GPM6A: variants seen among roughly 807,000 people sequenced by gnomAD.
GPM6A encodes the protein glycoprotein M6A.
In GPM6A, 7 loss-of-function variants were observed where a neutral mutation model predicts 32.1. That is an observed-to-expected ratio of 0.22 (90% confidence interval 0.12 to 0.41). GPM6A has a LOEUF of 0.41. Ranked by LOEUF, GPM6A falls within the 10% of genes least tolerant of loss-of-function variation. The probability of loss-of-function intolerance (pLI) is 1.00; values close to 1 mark genes in which losing one functional copy is unlikely to be tolerated. For missense variants in GPM6A, 235 were observed against 347.2 expected (o/e 0.68, Z 2.57); for synonymous variants, 130 against 123.4 (o/e 1.05, Z -0.35).
At chr4:175,993,053 A>G (rs1741198547) in intron 1 of GPM6A, among the ~76,000 whole-genome samples, 2 of 152,054 alleles carry the variant, frequency 1.3e-5, no homozygotes, top group African/African-American at 4.8e-5. Context: ...TGAAATCATG[A>G]AACAGTTCTT....
intron 1 of GPM6A, among the ~76,000 whole-genome samples, chr4:175,792,174 A>C (rs781486737): frequency 6.6e-5 from 10 of 152,202 alleles, no homozygotes; most frequent in African/African-American, 9.6e-5. Context: ...GTGCTAAAAA[A>C]TTTTAAGCTC....
intron 1 of GPM6A, among the ~76,000 whole-genome samples, chr4:175,749,213 G>T (rs988546661): frequency 1.3e-5 from 1 of 74,590 alleles, no homozygotes; most frequent in Non-Finnish European, 3.3e-5. Context: ...CAAAAAAAAG[G>T]TAATGGCAAA....
At chr4:175,971,956 T>C (rs1740515722) in intron 1 of GPM6A, 1 of 152,192 alleles carries the variant, frequency 6.6e-6, no homozygotes, top group African/African-American at 2.4e-5. Flanking sequence ...CACGCTGTCT[T>C]ACTGCTGGGG....
At chr4:175,996,841 ACCC>A (rs1244763583) in intron 1 of GPM6A, among the ~76,000 whole-genome samples, 79 of 152,144 alleles carry the variant, frequency 5.2e-4, no homozygotes, top group Non-Finnish European at 9.3e-4. Context: ...TTAGTCGGCT[ACCC>A]TCAATTTCTC....
At chr4:175,728,209 A>G (rs981372515) in intron 1 of GPM6A, among the ~76,000 whole-genome samples, 2 of 152,138 alleles carry the variant, frequency 1.3e-5, no homozygotes, top group Non-Finnish European at 2.9e-5. Flanking sequence ...TATTTTGAAC[A>G]CATGCAAATG....
chr4:175,781,520 A>G (rs10032719), intron 1 of GPM6A, among the ~76,000 whole-genome samples: 8,055 of 152,214 alleles, frequency 0.053, 704 homozygotes, highest in African/African-American at 0.18. Context: ...GTGATCTTCC[A>G]TACAGTTCTC....
intron 3 of GPM6A, among the ~76,000 whole-genome samples, chr4:175,656,700 C>T (rs1237453582): frequency 6.6e-6 from 1 of 152,084 alleles, no homozygotes; most frequent in Non-Finnish European, 1.5e-5. Flanking sequence ...CATCTGAACT[C>T]CTATGAACTT....
chr4:175,790,138 C>A (rs1733955404), intron 1 of GPM6A, among the ~76,000 whole-genome samples: 1 of 152,110 alleles, frequency 6.6e-6, no homozygotes, highest in African/African-American at 2.4e-5. Context: ...ATAGCACATT[C>A]AAGGCAATTC....
At chr4:175,992,539 G>GC (rs1375316805) in intron 1 of GPM6A, among the ~76,000 whole-genome samples, 2 of 152,238 alleles carry the variant, frequency 1.3e-5, no homozygotes, top group East Asian at 3.9e-4. Context: ...TAGTTTATAG[G>GC]CATCTAGAGC....
At chr4:175,679,184 T>C (rs1743544927) in intron 2 of GPM6A, among the ~76,000 whole-genome samples, 1 of 152,144 alleles carries the variant, frequency 6.6e-6, no homozygotes, top group Non-Finnish European at 1.5e-5. Context: ...ACTTCCACTG[T>C]CTTTCTGTGT....
At chr4:175,803,059 T>C (rs1452570449) in intron 1 of GPM6A, among the ~76,000 whole-genome samples, 1 of 152,042 alleles carries the variant, frequency 6.6e-6, no homozygotes, top group Non-Finnish European at 1.5e-5. Flanking sequence ...AAAAATTGTG[T>C]TTTATTCTTT....
intron 2 of GPM6A, among the ~76,000 whole-genome samples, chr4:175,680,076 T>G (rs868272160): frequency 6.6e-6 from 1 of 152,338 alleles, no homozygotes; most frequent in Middle Eastern, 3.4e-3. Flanking sequence ...AAGAAACACA[T>G]GTATGTATAC....
Position 175,642,467 on chromosome 4 carries a change from A to T in GPM6A, c.542-1638T>A, listed in dbSNP as rs140947557. On this transcript the variant is annotated intron_variant, in intron 4 of 6. Transcript: ENST00000393658. ...TCCTCTCAAGTCAGATTTTGCCCTA[A>T]CCCCCCTCCATGGAAATTTTCTTAT... Among the ~76,000 whole-genome samples, 170 of 151,760 alleles carry T rather than the reference A, an allele frequency of 1.1e-3. 3 individuals are homozygous for T. In the East Asian group the frequency reaches 0.028, roughly 25 times the overall value.
chr4:175,895,771 G>T (rs986161794), intron 1 of GPM6A, among the ~76,000 whole-genome samples: 1 of 152,138 alleles, frequency 6.6e-6, no homozygotes, highest in African/African-American at 2.4e-5. Flanking sequence ...TCTGTATTAA[G>T]TATACTGTAT....
At chr4:175,905,717 A>G (rs564262618) in intron 1 of GPM6A, among the ~76,000 whole-genome samples, 1 of 152,220 alleles carries the variant, frequency 6.6e-6, no homozygotes, top group Admixed American at 6.5e-5. Flanking sequence ...GATCCCTTTC[A>G]GTATATATTT....
chr4:175,876,709 A>G (rs996898951), intron 1 of GPM6A, among the ~76,000 whole-genome samples: 1 of 152,188 alleles, frequency 6.6e-6, no homozygotes, highest in Non-Finnish European at 1.5e-5. Context: ...ATGAAATGCC[A>G]AGAATGAGGA....
intron 1 of GPM6A, chr4:175,962,574 T>C: frequency 3.1e-6 from 1 of 327,778 alleles, no homozygotes; most frequent in Non-Finnish European, 6.0e-6. Context: ...CTGTACTCAT[T>C]ACTACTTTGG....
At chr4:175,910,016 G>T (rs867449542) in intron 1 of GPM6A, among the ~76,000 whole-genome samples, 1 of 152,162 alleles carries the variant, frequency 6.6e-6, no homozygotes, top group African/African-American at 2.4e-5. Context: ...CCAGTGGTGT[G>T]CTAGTAAGCT....
chr4:175,776,913 T>C (rs1285138320), intron 1 of GPM6A, among the ~76,000 whole-genome samples: 2 of 152,160 alleles, frequency 1.3e-5, no homozygotes, highest in Admixed American at 6.5e-5. Flanking sequence ...GGCCTACGTA[T>C]GCAAATCAAA....
Sources: gnomAD v4.1 joint callset for allele counts (sites outside exome capture counted in the v4.1 genomes callset) on GRCh38, gnomAD v4.1.1 for gene constraint, MANE v1.5 for transcripts, NCBI Gene and HGNC (gene_info 2026-07-23, HGNC 2026-07-21) for gene names.